ATP10B: variants seen among roughly 807,000 people sequenced by gnomAD.
ATP10B encodes the protein ATPase phospholipid transporting 10B (putative).
In ATP10B, 122 loss-of-function variants were observed where a neutral mutation model predicts 141.2. That is an observed-to-expected ratio of 0.86 (90% CI 0.75 to 1.00). The LOEUF (loss-of-function observed/expected upper bound fraction) is 1.00, where lower values mean the gene tolerates loss of function less well. Ranked by LOEUF, ATP10B falls within the 50% of genes least tolerant of loss-of-function variation. The pLI is 0.00. For missense variants in ATP10B, 1,876 were observed against 1,825.3 expected (o/e 1.03, Z -0.51); for synonymous variants, 685 against 692.0 (o/e 0.99, Z 0.16).
intron 21 of ATP10B, among the ~76,000 whole-genome samples, chr5:160,600,694 C>CT (rs1324658737): frequency 2.2e-4 from 34 of 152,218 alleles, no homozygotes; most frequent in Admixed American, 2.2e-3. Context: ...TAACTGGAAT[C>CT]TTTGTACCTT....
chr5:160,648,180 A>T (rs1760431026), intron 8 of ATP10B, among the ~76,000 whole-genome samples: 1 of 152,212 alleles, frequency 6.6e-6, no homozygotes, highest in Non-Finnish European at 1.5e-5. Flanking sequence ...TGTTGTGAAG[A>T]TTACACATGA....
chr5:160,633,394 G>A (rs1033040396), intron 12 of ATP10B: 1 of 152,260 alleles, frequency 6.6e-6, no homozygotes, highest in Non-Finnish European at 1.5e-5. Flanking sequence ...AAAAGGATGA[G>A]TTCATGTCCT....
intron 1 of ATP10B, among the ~76,000 whole-genome samples, chr5:160,827,243 C>A (rs925197168): frequency 1.3e-5 from 2 of 152,198 alleles, no homozygotes; most frequent in African/African-American, 4.8e-5. Context: ...CCAACACTTA[C>A]AGAAAATAGG....
chr5:160,730,998 C>G (rs1766697680), intron 2 of ATP10B, among the ~76,000 whole-genome samples: 2 of 152,194 alleles, frequency 1.3e-5, no homozygotes, highest in South Asian at 4.2e-4. Context: ...TCTGTAAGAC[C>G]CCATTAACCT....
At chr5:160,899,753 TG>T in the ATP10B span, among the ~76,000 whole-genome samples, 2 of 152,288 alleles carry the variant, frequency 1.3e-5, no homozygotes, top group South Asian at 4.1e-4. Flanking sequence ...TAGATGACAA[TG>T]AACAGCAACA....
chr5:160,635,619 C>A (rs1022447454), intron 11 of ATP10B, among the ~76,000 whole-genome samples: 5 of 152,096 alleles, frequency 3.3e-5, no homozygotes, highest in Non-Finnish European at 5.9e-5. Context: ...AAAACTACAA[C>A]TTCCCTCATC....
intron 2 of ATP10B, among the ~76,000 whole-genome samples, chr5:160,772,003 C>T (rs1451513951): frequency 6.6e-6 from 1 of 152,244 alleles, no homozygotes; most frequent in Non-Finnish European, 1.5e-5. Context: ...GCTTTTCCTG[C>T]AAGAGAGATT....
chr5:160,689,777 C>T lies in ATP10B; in HGVS notation c.-204-834G>A, dbSNP rs1015488784. Among the ~76,000 whole-genome samples, 20 of 152,190 alleles carry T rather than the reference C, an allele frequency of 1.3e-4. 1 individual carries two copies. Among genetic ancestry groups the T allele is most frequent in the Admixed American group, 2.0e-4 (3 of 15,280 alleles). ...AATCAATATCGTGAAAATGGCCATA[C>T]TGCCCAAAGTAATTTATAGATTCAA... On this transcript the variant is annotated intron_variant, in intron 3 of 25. Transcript: ENST00000327245.
At chr5:160,583,924 G>A (rs1030456637) in intron 24 of ATP10B, among the ~76,000 whole-genome samples, 2 of 152,152 alleles carry the variant, frequency 1.3e-5, no homozygotes, top group African/African-American at 2.4e-5. Flanking sequence ...TGCTGTGCTC[G>A]CAGTGAGAAT....
intron 24 of ATP10B, among the ~76,000 whole-genome samples, chr5:160,575,610 C>A (rs182839309): frequency 2.6e-5 from 4 of 152,012 alleles, no homozygotes; most frequent in African/African-American, 7.2e-5. Flanking sequence ...ATTAAAATCC[C>A]CTCCTAGGAT....
chr5:160,663,795 A>AT (rs1233307358), intron 7 of ATP10B, among the ~76,000 whole-genome samples: 1 of 151,862 alleles, frequency 6.6e-6, no homozygotes, highest in Non-Finnish European at 1.5e-5. Context: ...ATAATAAAAA[A>AT]AAATTTCCAT....
chr5:160,823,503 T>C (rs1054100623), intron 1 of ATP10B, among the ~76,000 whole-genome samples: 8 of 152,178 alleles, frequency 5.3e-5, no homozygotes, highest in African/African-American at 1.7e-4. Flanking sequence ...TTTACCTATG[T>C]AACAAACTTG....
intron 1 of ATP10B, among the ~76,000 whole-genome samples, chr5:160,828,261 G>A (rs1774786181): frequency 6.6e-6 from 1 of 152,090 alleles, no homozygotes; most frequent in African/African-American, 2.4e-5. Flanking sequence ...ACTACCATCA[G>A]AGTGAACAGG....
At chr5:160,624,873 T>TTC (rs1758532491) in intron 13 of ATP10B, among the ~76,000 whole-genome samples, 1 of 152,192 alleles carries the variant, frequency 6.6e-6, no homozygotes, top group Non-Finnish European at 1.5e-5. Flanking sequence ...TCACAGTATG[T>TTC]TCTCTTATTA....
At chr5:160,788,156 G>A (rs1350315060) in intron 1 of ATP10B, among the ~76,000 whole-genome samples, 1 of 152,126 alleles carries the variant, frequency 6.6e-6, no homozygotes, top group African/African-American at 2.4e-5. Flanking sequence ...CCTCATTTCT[G>A]TGAGTAGAGG....
At chr5:160,687,104 C>T (rs1763802649) in intron 5 of ATP10B, 1 of 252,442 alleles carries the variant, frequency 4.0e-6, no homozygotes, top group Non-Finnish European at 6.2e-6. Flanking sequence ...ACTTCAATTC[C>T]CTGACTTTCT....
At position 160,785,742 on chromosome 5, in the gene ATP10B, C is replaced by A. The variant is rs939449105; in HGVS notation, c.-514G>T. ...AATAGGAAAAACTACTTACTCTTCA[C>A]ACTGTTGCTTTCATTGAAACAAATG... On this transcript the variant is annotated 5_prime_UTR_variant, in exon 2 of 26. Coordinates refer to ENST00000327245, the MANE Select transcript of ATP10B (RefSeq NM_025153.3). 2.4e-6 allele frequency: 3 copies of A among 1,229,070 alleles called. No homozygotes were observed. Among genetic ancestry groups the A allele is most frequent in the East Asian group, 1.2e-4 (2 of 17,364 alleles). The allele number at this position is 1,229,070 out of a possible 1,614,324, so 76.1% of individuals were successfully genotyped here. A position where few individuals can be genotyped will look rare whatever the true frequency, so the allele number is the denominator to read the frequency against.
Position 160,636,198 on chromosome 5 carries a change from A to G in ATP10B, c.1112T>C (p.Met371Thr). The G allele has an allele frequency of 6.2e-7, 1 of 1,610,692 alleles. No homozygotes were observed. The highest frequency in any genetic ancestry group is 2.2e-5 in the East Asian group (1 of 44,710). Residue 371 changes from methionine (M) to threonine (T), a missense_variant, in exon 11 of 26, where the codon ATG becomes ACG. Physicochemically the swap from Met to Thr is moderately conservative, Grantham distance 81. Coordinates refer to ENST00000327245, the MANE Select transcript of ATP10B (RefSeq NM_025153.3). ...GCTTCCTACCTGGAGCAGGATGATC[A>G]TTGTGAGGAACATGTAGAAGCCCCC... ...ALGGFYMFLT[M>T]IILLQVLIPI...
the ATP10B span, among the ~76,000 whole-genome samples, chr5:160,873,984 G>T: frequency 2.0e-5 from 3 of 152,242 alleles, no homozygotes; most frequent in African/African-American, 7.2e-5. Flanking sequence ...GCCCAGGCTT[G>T]CTTAGGTAAA....
Sources: gnomAD v4.1 joint callset for allele counts (sites outside exome capture counted in the v4.1 genomes callset) on GRCh38, gnomAD v4.1.1 for gene constraint, MANE v1.5 for transcripts, NCBI Gene and HGNC (gene_info 2026-07-23, HGNC 2026-07-21) for gene names.